OCLN: variants seen among roughly 807,000 people sequenced by gnomAD.
OCLN encodes the protein occludin.
In OCLN, 21 loss-of-function variants were observed where a neutral mutation model predicts 47.9. The observed-to-expected ratio is 0.44, with a 90% confidence interval of 0.31 to 0.63. The LOEUF (loss-of-function observed/expected upper bound fraction) is 0.63. Ranked by LOEUF, OCLN falls within the 30% of genes least tolerant of loss-of-function variation. The pLI, the probability that OCLN is intolerant of heterozygous loss-of-function variation, is 0.08. For missense variants in OCLN, 360 were observed against 571.0 expected (o/e 0.63, Z 3.77); for synonymous variants, 117 against 198.4 (o/e 0.59, Z 3.45).
intron 1 of OCLN, among the ~76,000 whole-genome samples, chr5:69,495,649 G>A (rs757783863): frequency 6.6e-6 from 1 of 152,150 alleles, no homozygotes; most frequent in Non-Finnish European, 1.5e-5. Context: ...AGCGACCAGG[G>A]ATATAAATGA....
chr5:69,526,503 A>T (rs1021440836), intron 4 of OCLN, among the ~76,000 whole-genome samples: 2 of 148,902 alleles, frequency 1.3e-5, no homozygotes, highest in African/African-American at 4.9e-5. Context: ...GCCTTGAATG[A>T]GATCATTGGT....
At chr5:69,499,951 G>T (rs1324043409) in intron 1 of OCLN, among the ~76,000 whole-genome samples, 1 of 152,212 alleles carries the variant, frequency 6.6e-6, no homozygotes, top group Non-Finnish European at 1.5e-5. Context: ...GCACTTAGAG[G>T]AGATAAGGAA....
chr5:69,524,999 C>A (rs1769238035), intron 4 of OCLN, among the ~76,000 whole-genome samples: 1 of 152,090 alleles, frequency 6.6e-6, no homozygotes, highest in Non-Finnish European at 1.5e-5. Context: ...CGCCTGGCCC[C>A]ATGAACATTT....
At chr5:69,528,950 A>G (rs565983629) in intron 4 of OCLN, among the ~76,000 whole-genome samples, 2 of 152,352 alleles carry the variant, frequency 1.3e-5, no homozygotes, top group East Asian at 3.9e-4. Context: ...AGGATTAGCT[A>G]TAATTGCATA....
Position 69,498,093 on chromosome 5 carries a change from C to A in OCLN, c.-69+5193C>A, listed in dbSNP as rs569778514. ...CTTGCAGTGAGCCGAGATCCCGCCA[C>A]TGCACTCCAGCCTGGGCGACAGAGC... On this transcript the variant is annotated intron_variant, in intron 1 of 8. Transcript: ENST00000396442. Among the ~76,000 whole-genome samples, 726 of 151,672 alleles carry A rather than the reference C, an allele frequency of 4.8e-3. 4 individuals carry two copies. The highest frequency in any genetic ancestry group is 7.4e-3 in the Non-Finnish European group (500 of 67,874).
At chr5:69,503,960 C>T (rs572050940) in intron 1 of OCLN, among the ~76,000 whole-genome samples, 1 of 152,088 alleles carries the variant, frequency 6.6e-6, no homozygotes, top group South Asian at 2.1e-4. Context: ...ATTAGCCAGG[C>T]ATGGTGGTGC....
In OCLN at chr5:69,555,913, A is replaced by G. The variant is rs2112106225; in HGVS notation, c.*2242A>G. 1 of 132,588 alleles carries G rather than the reference A, an allele frequency of 7.5e-6. No individual in the cohort carries two copies. The highest frequency in any genetic ancestry group is 2.2e-4 in the East Asian group (1 of 4,518). The allele number at this position is 132,588 out of a possible 1,614,324, so 8.2% of individuals were successfully genotyped here. A position where few individuals can be genotyped will look rare whatever the true frequency, so the allele number is the denominator to read the frequency against. ...TTGTGTTATAAAATTGGACTTTGAA[A>G]TTTCAAAAATAAGAAAAATTTTCAT... On this transcript the variant is annotated 3_prime_UTR_variant, in exon 9 of 9. Coordinates refer to ENST00000396442, the MANE Select transcript of OCLN (RefSeq NM_001205254.2).
intron 1 of OCLN, among the ~76,000 whole-genome samples, chr5:69,495,731 G>A (rs1054199568): frequency 6.6e-6 from 1 of 152,038 alleles, no homozygotes; most frequent in African/African-American, 2.4e-5. Flanking sequence ...CTATATTTTA[G>A]GTATGAGGGC....
At position 69,531,654 on chromosome 5, in the gene OCLN, G is replaced by A. The variant is rs555519792; in HGVS notation, c.892-3040G>A. Reference sequence around the variant, plus strand: ...CTGTGGTGGGGTCTGAGCACACTCCGTGGCAACCCACCCACTGGTTTCGCA... The same window carrying A: ...CTGTGGTGGGGTCTGAGCACACTCCATGGCAACCCACCCACTGGTTTCGCA... On this transcript the variant is annotated intron_variant, in intron 4 of 8. Transcript: ENST00000396442. Among the ~76,000 whole-genome samples, 4 of 152,338 alleles carry A rather than the reference G, an allele frequency of 2.6e-5. No homozygotes were observed. The East Asian group carries it at 5.8e-4, about 22-fold the overall frequency.
At chr5:69,518,710 G>C (rs144748703) in intron 4 of OCLN, among the ~76,000 whole-genome samples, 4 of 152,132 alleles carry the variant, frequency 2.6e-5, no homozygotes, top group Non-Finnish European at 5.9e-5. Context: ...TTGGTCATGA[G>C]AAATTAATAT....
intron 1 of OCLN, among the ~76,000 whole-genome samples, chr5:69,497,835 T>C (rs1768340139): frequency 6.6e-6 from 1 of 152,212 alleles, no homozygotes; most frequent in Non-Finnish European, 1.5e-5. Flanking sequence ...GGATAGGTTG[T>C]TAGCTTTTGT....
chr5:69,509,073 A>G (rs1392212978), intron 2 of OCLN, 68 bp from the exon 3 acceptor site: 1 of 1,295,172 alleles, frequency 7.7e-7, no homozygotes, highest in Non-Finnish European at 1.1e-6. Flanking sequence ...ATTATTCCAA[A>G]TAAGTTGTGT....
chr5:69,522,544 C>T (rs1450850823), intron 4 of OCLN, among the ~76,000 whole-genome samples: 4 of 152,098 alleles, frequency 2.6e-5, no homozygotes, highest in African/African-American at 7.2e-5. Flanking sequence ...TTAGAAGTGT[C>T]GTGCACCCAA....
chr5:69,511,027 T>C (rs1226047065), intron 3 of OCLN, among the ~76,000 whole-genome samples: 2 of 152,222 alleles, frequency 1.3e-5, no homozygotes, highest in African/African-American at 2.4e-5. Flanking sequence ...CATGTACTTA[T>C]TGGCCATTTC....
rs1194106886 is a variant in OCLN, at chr5:69,555,959, GTTTTAGGAA to G, written c.*2289_*2297del. The G allele has an allele frequency of 6.4e-4, 69 of 108,268 alleles. No homozygotes were observed. Among genetic ancestry groups the G allele is most frequent in the African/African-American group, 2.3e-3 (63 of 27,070 alleles). The allele number at this position is 108,268 out of a possible 1,614,324, so 6.7% of individuals were successfully genotyped here. A position where few individuals can be genotyped will look rare whatever the true frequency, so the allele number is the denominator to read the frequency against. On this transcript the variant is annotated 3_prime_UTR_variant, in exon 9 of 9. Transcript: ENST00000396442. The stretch of plus-strand genomic sequence containing the variant: ...TTCATGTGTATTTATACTAAATACC[GTTTTAGGAA>G]ACTAGGATCAGGGTGTTTCTGTTGG...
chr5:69,527,137 T>A (rs1580577382), intron 4 of OCLN, among the ~76,000 whole-genome samples: 1 of 151,520 alleles, frequency 6.6e-6, no homozygotes, highest in South Asian at 2.1e-4. Flanking sequence ...ATTAGCTGGG[T>A]GTGGTGGTGG....
intron 4 of OCLN, among the ~76,000 whole-genome samples, chr5:69,514,718 T>C (rs1000755702): frequency 1.3e-5 from 2 of 152,120 alleles, no homozygotes; most frequent in African/African-American, 4.8e-5. Context: ...TAGGGAGTGG[T>C]GATGACTCTT....
rs1768191167 is a variant in OCLN, at chr5:69,493,223, CT to C, written c.-69+324del. On this transcript the variant is annotated intron_variant, in intron 1 of 8. Coordinates refer to ENST00000396442, the MANE Select transcript of OCLN (RefSeq NM_001205254.2). This position sits in a 1 kb window ranked among gnomAD's most constrained non-coding sequence, Gnocchi z 5.3. Reference sequence around the variant, plus strand: ...TTCACTTTTATGGGGCACGACATTCCTGAACAGCGACGATCCTGCATCCGCT... The same window carrying C: ...TTCACTTTTATGGGGCACGACATTCCGAACAGCGACGATCCTGCATCCGCT... 6.6e-6 allele frequency among the ~76,000 whole-genome samples: 1 copy of C among 152,154 alleles called. No homozygotes were observed. Among genetic ancestry groups the C allele is most frequent in the Non-Finnish European group, 1.5e-5 (1 of 68,030 alleles).
At position 69,555,325 on chromosome 5, in the gene OCLN, G is replaced by A. The variant is rs1318321663; in HGVS notation, c.*1654G>A. The A allele has an allele frequency of 2.2e-5, 3 of 136,782 alleles. No individual in the cohort carries two copies. Among genetic ancestry groups the A allele is most frequent in the African/African-American group, 5.5e-5 (2 of 36,280 alleles). 8.5% of individuals were successfully genotyped at this position (136,782 alleles called of 1,614,324 possible). ...GTTGAACAGGCTGGAGTGCAATGTC[G>A]CGATCTCAGCTCACCACAACCTCCG... On this transcript the variant is annotated 3_prime_UTR_variant, in exon 9 of 9. Coordinates refer to ENST00000396442, the MANE Select transcript of OCLN (RefSeq NM_001205254.2).
Sources: gnomAD v4.1 joint callset for allele counts (sites outside exome capture counted in the v4.1 genomes callset) on GRCh38, gnomAD v4.1.1 for gene constraint, Gnocchi (gnomAD v3.1) non-coding constraint, MANE v1.5 for transcripts, NCBI Gene and HGNC (gene_info 2026-07-23, HGNC 2026-07-21) for gene names.